Variants in PALM2AKAP2 observed in about 807,000 individuals in gnomAD.
PALM2AKAP2 encodes PALM2-AKAP2 fusion protein.
Under a neutral mutation model 71.5 loss-of-function variants are expected in PALM2AKAP2, and 37 were observed. The ratio of observed to expected loss-of-function variants is 0.52; its 90% confidence interval spans 0.40 to 0.68. PALM2AKAP2 has a LOEUF of 0.68. PALM2AKAP2 is among the 30% of genes least tolerant of loss of function. The pLI is 0.00. For synonymous variants in PALM2AKAP2, 468 were observed against 478.8 expected, an observed-to-expected ratio of 0.98 and a Z score of 0.29; for missense variants, 1,224 against 1,191.8, an observed-to-expected ratio of 1.03 and a Z score of -0.40.
At chr9:109,851,133 C>T (rs545643443) in intron 1 of PALM2AKAP2, among the ~76,000 whole-genome samples, 16 of 151,784 alleles carry the variant, frequency 1.1e-4, no homozygotes, top group Admixed American at 4.6e-4. Flanking sequence ...GCCGAGATAG[C>T]GCCACTGCAC....
At chr9:110,120,735 C>T (rs1835467908) in intron 1 of PALM2AKAP2, among the ~76,000 whole-genome samples, 1 of 152,196 alleles carries the variant, frequency 6.6e-6, no homozygotes, top group Non-Finnish European at 1.5e-5. Context: ...GAACTCCTGA[C>T]CTCAGGTGAT....
At chr9:109,664,918 T>G (rs1433585113) in intron 1 of PALM2AKAP2, among the ~76,000 whole-genome samples, 1 of 152,052 alleles carries the variant, frequency 6.6e-6, no homozygotes, top group Non-Finnish European at 1.5e-5. Context: ...ACTTTATCAC[T>G]TCATTTCATT....
chr9:110,044,643 C>T (rs1833566421), upstream of PALM2AKAP2, among the ~76,000 whole-genome samples: 1 of 151,380 alleles, frequency 6.6e-6, no homozygotes, highest in Admixed American at 6.6e-5. Flanking sequence ...TGCCACCACA[C>T]CCGGCCTTCC....
Position 109,956,890 on chromosome 9 carries a change from T to G in PALM2AKAP2, c.496+24862T>G, listed in dbSNP as rs555147157. Among the ~76,000 whole-genome samples, 149 of 152,280 alleles carry G rather than the reference T, an allele frequency of 9.8e-4. 1 individual carries two copies. Among genetic ancestry groups the G allele is most frequent in the African/African-American group, 3.3e-3 (139 of 41,560 alleles). On this transcript the variant is annotated intron_variant, in intron 6 of 9. Transcript: ENST00000302798. Reference sequence around the variant, plus strand: ...AAAATTTAGGAAACACTGTCTTGCCTCCTTGCATCCTCTTAAAAAAAATAA... The same window carrying G: ...AAAATTTAGGAAACACTGTCTTGCCGCCTTGCATCCTCTTAAAAAAAATAA...
At chr9:109,663,174 G>A (rs1039592951) in intron 1 of PALM2AKAP2, among the ~76,000 whole-genome samples, 2 of 152,064 alleles carry the variant, frequency 1.3e-5, no homozygotes, top group African/African-American at 2.4e-5. Context: ...AAGGTTTTTT[G>A]TGTCTCTATC....
At chr9:109,679,435 T>C (rs1016002581) in intron 1 of PALM2AKAP2, among the ~76,000 whole-genome samples, 2 of 152,186 alleles carry the variant, frequency 1.3e-5, no homozygotes, top group African/African-American at 4.8e-5. Flanking sequence ...GGGAGTAAAT[T>C]GCCACTTCCC....
At chr9:110,132,360 C>CT (rs879463569) in intron 1 of PALM2AKAP2, among the ~76,000 whole-genome samples, 156 of 144,906 alleles carry the variant, frequency 1.1e-3, no homozygotes, top group African/African-American at 1.8e-3. Context: ...GTGCGGGCTT[C>CT]TTTTTTTTTT....
At position 110,110,728 on chromosome 9, in the gene PALM2AKAP2, G is replaced by A. The variant is rs900529388; in HGVS notation, c.157-25399G>A. 3.3e-5 allele frequency among the ~76,000 whole-genome samples: 5 copies of A among 151,616 alleles called. No individual in the cohort carries two copies. In the East Asian group the frequency reaches 7.7e-4, roughly 23 times the overall value. On this transcript the variant is annotated intron_variant, in intron 1 of 3. Coordinates refer to ENST00000374525, the Ensembl canonical transcript of PALM2AKAP2. The stretch of plus-strand genomic sequence containing the variant: ...TCCCTGGCTAATTTTTGTATTTTTA[G>A]TAGAGTCAGGGTTTCACAATGTTGG...
chr9:109,832,095 T>C (rs1430140799), intron 1 of PALM2AKAP2, among the ~76,000 whole-genome samples: 1 of 152,178 alleles, frequency 6.6e-6, no homozygotes, highest in East Asian at 1.9e-4. Context: ...GGCTCACTAA[T>C]TGGCAAGGCT....
At chr9:110,114,807 T>G (rs553414701) in intron 1 of PALM2AKAP2, among the ~76,000 whole-genome samples, 1 of 152,322 alleles carries the variant, frequency 6.6e-6, no homozygotes, top group East Asian at 1.9e-4. Context: ...GTTCTCAGAC[T>G]TCATCCTGTT....
chr9:109,996,780 C>A (rs1380857594), intron 6 of PALM2AKAP2, among the ~76,000 whole-genome samples: 1 of 152,222 alleles, frequency 6.6e-6, no homozygotes, highest in East Asian at 1.9e-4. Flanking sequence ...TGTGTGTGCA[C>A]ATGCACATGG....
chr9:109,838,512 A>G (rs1828550661), intron 1 of PALM2AKAP2, among the ~76,000 whole-genome samples: 1 of 152,252 alleles, frequency 6.6e-6, no homozygotes, highest in East Asian at 1.9e-4. Context: ...GCAGAAGGCA[A>G]GAAATAACTA....
chr9:110,093,916 C>T (rs953756212), intron 1 of PALM2AKAP2, among the ~76,000 whole-genome samples: 7 of 152,294 alleles, frequency 4.6e-5, no homozygotes, highest in South Asian at 4.2e-4. Flanking sequence ...ATACCTTGTG[C>T]GTCTTTCCCA....
At chr9:109,955,425 G>C (rs1831728286) in intron 6 of PALM2AKAP2, among the ~76,000 whole-genome samples, 1 of 152,122 alleles carries the variant, frequency 6.6e-6, no homozygotes, top group Non-Finnish European at 1.5e-5. Context: ...TGTGTTTCAT[G>C]GTAAAAAGTT....
chr9:109,929,439 C>T (rs1831038640), intron 5 of PALM2AKAP2, among the ~76,000 whole-genome samples: 1 of 152,128 alleles, frequency 6.6e-6, no homozygotes, highest in African/African-American at 2.4e-5. Flanking sequence ...AATTGTCACC[C>T]ACCTGCCCCT....
At chr9:109,913,584 G>A (rs1830619545) in intron 3 of PALM2AKAP2, among the ~76,000 whole-genome samples, 1 of 151,934 alleles carries the variant, frequency 6.6e-6, no homozygotes, top group Non-Finnish European at 1.5e-5. Flanking sequence ...GCTGAGTCAT[G>A]GATAAGACTC....
At chr9:109,868,712 A>C (rs1337291705) in intron 2 of PALM2AKAP2, among the ~76,000 whole-genome samples, 2 of 152,240 alleles carry the variant, frequency 1.3e-5, no homozygotes, top group Admixed American at 6.5e-5. Flanking sequence ...CATTTACCTT[A>C]ACCAGAGAAA....
intron 3 of PALM2AKAP2, among the ~76,000 whole-genome samples, chr9:109,884,473 T>C (rs967013610): frequency 6.6e-6 from 1 of 151,588 alleles, no homozygotes; most frequent in Non-Finnish European, 1.5e-5. Flanking sequence ...AGAATAAAAA[T>C]AAAAATAAAG....
rs182016415 is a variant in PALM2AKAP2, at chr9:110,135,017, G to A, written c.157-1110G>A. On this transcript the variant is annotated intron_variant, in intron 1 of 3. Coordinates refer to ENST00000374525, the Ensembl canonical transcript of PALM2AKAP2. ...AATTACATAGGCTAGATAACTGGTAGAAAAATAAGATGGATGGGTTGGGTG... is the reference window on the plus strand; with the variant it reads ...AATTACATAGGCTAGATAACTGGTAAAAAAATAAGATGGATGGGTTGGGTG... Among the ~76,000 whole-genome samples the A allele has an allele frequency of 9.4e-3, 1,408 of 150,400 alleles. 14 individuals carry two copies. The highest frequency in any genetic ancestry group is 0.015 in the Admixed American group (226 of 15,074).
Sources: gnomAD v4.1 joint callset for allele counts (sites outside exome capture counted in the v4.1 genomes callset) on GRCh38, gnomAD v4.1.1 for gene constraint, MANE v1.5 for transcripts, NCBI Gene and HGNC (gene_info 2026-07-23, HGNC 2026-07-21) for gene names.